CTNNBL1: variants seen among roughly 807,000 people sequenced by gnomAD.
CTNNBL1 encodes the protein catenin beta like 1, also known as beta-catenin-like protein 1.
A neutral mutation model predicts 72.7 loss-of-function variants in CTNNBL1; 31 were observed. The ratio of observed to expected loss-of-function variants is 0.43; its 90% CI spans 0.32 to 0.58. CTNNBL1 has a LOEUF of 0.58. Ranked by LOEUF, CTNNBL1 falls within the 20% of genes least tolerant of loss-of-function variation. The pLI is 0.08. For synonymous variants in CTNNBL1, 240 were observed against 267.3 expected (o/e 0.90, Z 1.00); for missense variants, 534 against 725.1 (o/e 0.74, Z 3.03).
chr20:37,794,713 G>T (rs1193138109), intron 10 of CTNNBL1, among the ~76,000 whole-genome samples: 1 of 151,722 alleles, frequency 6.6e-6, no homozygotes, highest in East Asian at 1.9e-4. Context: ...TGTTGGCCAG[G>T]GCGGTCTTGA....
At chr20:37,721,161 T>A (rs537033695) in intron 1 of CTNNBL1, among the ~76,000 whole-genome samples, 1 of 152,320 alleles carries the variant, frequency 6.6e-6, no homozygotes, top group African/African-American at 2.4e-5. Flanking sequence ...CTTCTTGGAT[T>A]CCATTATTGA....
At chr20:37,767,283 A>G (rs2073478175) in intron 6 of CTNNBL1, among the ~76,000 whole-genome samples, 1 of 152,096 alleles carries the variant, frequency 6.6e-6, no homozygotes, top group African/African-American at 2.4e-5. Flanking sequence ...CCTTTTTCGT[A>G]TCATAGTCAT....
chr20:37,779,302 G>GC lies in CTNNBL1; in HGVS notation c.999dup (p.Glu334ArgfsTer39). 6.2e-7 allele frequency: 1 copy of GC among 1,613,738 alleles called. No homozygotes were observed. Among genetic ancestry groups the GC allele is most frequent in the African/African-American group, 1.3e-5 (1 of 75,004 alleles). ...TCCAATCGTGAGCGCTTCCTGAAGG[G>GC]CGAGGGTCTTCAGCTGATGAATCTC... On this transcript the variant is annotated frameshift_variant, in exon 10 of 16. Coordinates refer to ENST00000361383, the MANE Select transcript of CTNNBL1 (RefSeq NM_030877.5). LOFTEE classifies it high-confidence loss of function.
At chr20:37,710,751 A>G (rs1248598554) in intron 1 of CTNNBL1, among the ~76,000 whole-genome samples, 2 of 152,102 alleles carry the variant, frequency 1.3e-5, no homozygotes, top group Non-Finnish European at 2.9e-5. Flanking sequence ...TGATTGCCTT[A>G]ACCCTGTATC....
chr20:37,861,614 C>T (rs573359841), intron 15 of CTNNBL1, among the ~76,000 whole-genome samples: 3 of 152,144 alleles, frequency 2.0e-5, no homozygotes, highest in Non-Finnish European at 2.9e-5. Context: ...TTCCAGGTGG[C>T]GGATGAAATG....
At chr20:37,760,002 G>A (rs1385612711) in intron 5 of CTNNBL1, among the ~76,000 whole-genome samples, 1 of 152,174 alleles carries the variant, frequency 6.6e-6, no homozygotes, top group Non-Finnish European at 1.5e-5. Flanking sequence ...TTTCCCAGTT[G>A]GAAGTCCTAA....
intron 11 of CTNNBL1, among the ~76,000 whole-genome samples, chr20:37,838,787 T>C (rs946382184): frequency 6.6e-6 from 1 of 152,164 alleles, no homozygotes; most frequent in African/African-American, 2.4e-5. Context: ...CTCAGGAGGC[T>C]GAGGCAGAAG....
At chr20:37,819,921 CT>C (rs1197599514) in intron 11 of CTNNBL1, among the ~76,000 whole-genome samples, 3 of 142,272 alleles carry the variant, frequency 2.1e-5, no homozygotes, top group Admixed American at 7.5e-5. Flanking sequence ...GTCGCCCAGG[CT>C]GGAGTGCACT....
chr20:37,709,962 CAG>C (rs1768028688), intron 1 of CTNNBL1, among the ~76,000 whole-genome samples: 1 of 152,152 alleles, frequency 6.6e-6, no homozygotes, highest in Admixed American at 6.5e-5. Flanking sequence ...ATGGGTAAAC[CAG>C]AGAGCCCAGA....
chr20:37,801,128 G>A (rs146745878), intron 10 of CTNNBL1, among the ~76,000 whole-genome samples: 28 of 152,316 alleles, frequency 1.8e-4, no homozygotes, highest in African/African-American at 5.3e-4. Context: ...GAACTGGGAC[G>A]CAATCTTTCC....
At chr20:37,783,166 C>T (rs775462509) in intron 10 of CTNNBL1, among the ~76,000 whole-genome samples, 31 of 152,192 alleles carry the variant, frequency 2.0e-4, no homozygotes, top group Non-Finnish European at 3.8e-4. Flanking sequence ...CTTTCTTGGC[C>T]TCCCAAAGTG....
rs115666904 is a variant in CTNNBL1 at position 37,839,170 on chromosome 20, G to A, written c.1214-932G>A. Reference sequence around the variant, plus strand: ...CTTATTAAGTGAAGAAAAACACACTGGCACAAAATTATATCCGTGCTATAA... The same window carrying A: ...CTTATTAAGTGAAGAAAAACACACTAGCACAAAATTATATCCGTGCTATAA... On this transcript the variant is annotated intron_variant, in intron 11 of 15. Transcript: ENST00000361383. Among the ~76,000 whole-genome samples the A allele has an allele frequency of 3.4e-3, 520 of 152,296 alleles. 7 individuals are homozygous for A. The highest frequency in any genetic ancestry group is 0.011 in the African/African-American group (456 of 41,554).
intron 1 of CTNNBL1, among the ~76,000 whole-genome samples, chr20:37,732,390 C>T (rs561002959): frequency 6.6e-6 from 1 of 152,312 alleles, no homozygotes; most frequent in African/African-American, 2.4e-5. Context: ...TGAATTAAAA[C>T]CAGGTGCTAA....
At chr20:37,851,139 C>T (rs1461086410) in intron 13 of CTNNBL1, among the ~76,000 whole-genome samples, 6 of 152,220 alleles carry the variant, frequency 3.9e-5, no homozygotes, top group African/African-American at 1.4e-4. Context: ...CACATACCAC[C>T]TCCTTGTGTG....
At chr20:37,838,224 C>A (rs907042822) in intron 11 of CTNNBL1, among the ~76,000 whole-genome samples, 2 of 152,152 alleles carry the variant, frequency 1.3e-5, no homozygotes, top group Non-Finnish European at 2.9e-5. Flanking sequence ...TTAAACAGAC[C>A]TGACGTTAGG....
At chr20:37,868,045 A>G (rs915690227) in intron 15 of CTNNBL1, among the ~76,000 whole-genome samples, 4 of 152,202 alleles carry the variant, frequency 2.6e-5, no homozygotes, top group African/African-American at 9.7e-5. Flanking sequence ...CAGGGCTGCA[A>G]TAAATTTCTG....
At chr20:37,737,091 G>A (rs1600453763) in intron 2 of CTNNBL1, among the ~76,000 whole-genome samples, 4 of 152,050 alleles carry the variant, frequency 2.6e-5, no homozygotes, top group Non-Finnish European at 2.9e-5. Context: ...GGGCATGGGG[G>A]CATGTGCCTG....
intron 10 of CTNNBL1, among the ~76,000 whole-genome samples, chr20:37,786,105 G>T (rs66999026): frequency 2.6e-5 from 4 of 151,360 alleles, no homozygotes; most frequent in African/African-American, 9.7e-5. Context: ...CCCCAAACAC[G>T]TGGAGTCTCT....
At chr20:37,832,904 C>G (rs1014560757) in intron 11 of CTNNBL1, among the ~76,000 whole-genome samples, 1 of 151,904 alleles carries the variant, frequency 6.6e-6, no homozygotes, top group South Asian at 2.1e-4. Context: ...CTGTGCTGTT[C>G]TGGAAAGACC....
Sources: allele counts gnomAD v4.1 joint callset (sites outside exome capture counted in the v4.1 genomes callset), GRCh38; gene constraint gnomAD v4.1.1; transcripts MANE v1.5; gene names NCBI Gene and HGNC (gene_info 2026-07-23, HGNC 2026-07-21).